GRIN2B: variants seen among roughly 807,000 people sequenced by gnomAD.
GRIN2B encodes glutamate ionotropic receptor NMDA type subunit 2B, also known as glutamate receptor ionotropic, NMDA 2B.
In GRIN2B, 5 loss-of-function variants were observed where a neutral mutation model predicts 114.5. That is an observed-to-expected ratio of 0.04 (90% CI 0.02 to 0.09). The LOEUF is 0.09. Ranked by LOEUF, GRIN2B falls within the 10% of genes least tolerant of loss-of-function variation. The pLI is 1.00. For missense variants in GRIN2B, 1,108 were observed against 1,943.5 expected (o/e 0.57, Z 8.08); for synonymous variants, 787 against 745.1 (o/e 1.06, Z -0.92).
chr12:13,972,114 G>T (rs180734028), intron 2 of GRIN2B, among the ~76,000 whole-genome samples: 1 of 152,322 alleles, frequency 6.6e-6, no homozygotes, highest in Non-Finnish European at 1.5e-5. Flanking sequence ...TTAGAATCCT[G>T]CAGGGAAGTT....
intron 10 of GRIN2B, among the ~76,000 whole-genome samples, chr12:13,588,702 G>A (rs550102566): frequency 6.6e-6 from 1 of 152,258 alleles, no homozygotes; most frequent in Non-Finnish European, 1.5e-5. Context: ...ATAATGCAGT[G>A]CTGCTTTTTT....
intron 3 of GRIN2B, 142 bp downstream of exon 3, chr12:13,865,656 G>A (rs1003258666): frequency 8.8e-6 from 7 of 791,222 alleles, no homozygotes; most frequent in Admixed American, 5.2e-5. Flanking sequence ...GAAAAAAAAA[G>A]GATTAATTGC....
At chr12:13,875,011 C>T (rs895494777) in intron 2 of GRIN2B, among the ~76,000 whole-genome samples, 4 of 152,082 alleles carry the variant, frequency 2.6e-5, no homozygotes, top group Admixed American at 1.3e-4. Flanking sequence ...GAGATCAACC[C>T]ATCACCTTGG....
At chr12:13,817,686 G>T (rs929112587) in intron 3 of GRIN2B, among the ~76,000 whole-genome samples, 4 of 152,142 alleles carry the variant, frequency 2.6e-5, no homozygotes, top group African/African-American at 9.7e-5. Context: ...AATGTCCCCA[G>T]AATAACCCAA....
At chr12:13,792,014 A>G (rs1864330422) in intron 3 of GRIN2B, among the ~76,000 whole-genome samples, 1 of 152,200 alleles carries the variant, frequency 6.6e-6, no homozygotes, top group South Asian at 2.1e-4. Context: ...TAGCTTCATG[A>G]AATCCACTTT....
chr12:13,604,938 C>G (rs1949216318), intron 10 of GRIN2B, among the ~76,000 whole-genome samples: 1 of 151,282 alleles, frequency 6.6e-6, no homozygotes, highest in Non-Finnish European at 1.5e-5. Flanking sequence ...TATCAGAAAA[C>G]CATTTACAAA....
chr12:13,573,143 T>A (rs1948727547), intron 10 of GRIN2B, among the ~76,000 whole-genome samples: 1 of 149,394 alleles, frequency 6.7e-6, no homozygotes, highest in Admixed American at 6.6e-5. Flanking sequence ...GAGGATTAAC[T>A]AATATAATGC....
intron 4 of GRIN2B, among the ~76,000 whole-genome samples, chr12:13,721,431 G>C (rs1862878399): frequency 6.6e-6 from 1 of 152,024 alleles, no homozygotes; most frequent in Admixed American, 6.6e-5. Flanking sequence ...AAGGATTAGG[G>C]TGATTGGCAG....
chr12:13,724,791 T>G (rs1862949937), intron 4 of GRIN2B, among the ~76,000 whole-genome samples: 1 of 152,044 alleles, frequency 6.6e-6, no homozygotes, highest in Admixed American at 6.6e-5. Context: ...TAAGATTGTT[T>G]CCCATATAAA....
intron 3 of GRIN2B, among the ~76,000 whole-genome samples, chr12:13,806,895 A>G (rs1162463934): frequency 2.0e-5 from 3 of 152,016 alleles, no homozygotes; most frequent in Admixed American, 2.0e-4. Context: ...TTTGATTTTT[A>G]TATATGAGAT....
Position 13,555,050 on chromosome 12 carries a change from A to G in GRIN2B, c.*7733T>C, listed in dbSNP as rs1292444356. The stretch of plus-strand genomic sequence containing the variant: ...GGGATTCATCTTCATTCAAAGAGTT[A>G]TTGAAATCATAGAAGACAGAAAGAT... On this transcript the variant is annotated 3_prime_UTR_variant, in exon 14 of 14. Coordinates refer to ENST00000609686, the MANE Select transcript of GRIN2B (RefSeq NM_000834.5). 1.3e-5 allele frequency: 2 copies of G among 152,138 alleles called. No individual in the cohort carries two copies. The highest frequency in any genetic ancestry group is 2.9e-5 in the Non-Finnish European group (2 of 68,022). The allele number at this position is 152,138 out of a possible 1,614,324, so 9.4% of individuals were successfully genotyped here.
intron 2 of GRIN2B, among the ~76,000 whole-genome samples, chr12:13,898,099 T>C (rs1387917877): frequency 2.6e-5 from 4 of 151,470 alleles, no homozygotes. Flanking sequence ...AAAAGAGAGG[T>C]GGAAAAGAAA....
At chr12:13,572,002 T>C (rs1485846300) in intron 10 of GRIN2B, 38 bp from the exon 11 acceptor site, 2 of 1,513,478 alleles carry the variant, frequency 1.3e-6, no homozygotes, top group East Asian at 2.3e-5. Context: ...GAGCGGGAGA[T>C]GGAGGGAGAG....
At chr12:13,593,056 T>G (rs1949028744) in intron 10 of GRIN2B, among the ~76,000 whole-genome samples, 1 of 152,146 alleles carries the variant, frequency 6.6e-6, no homozygotes, top group Non-Finnish European at 1.5e-5. Context: ...GAACCACTAA[T>G]TTTTCAGATG....
chr12:13,648,117 T>C (rs117623494), intron 5 of GRIN2B, among the ~76,000 whole-genome samples: 1,777 of 152,186 alleles, frequency 0.012, 15 homozygotes, highest in Non-Finnish European at 0.017. Flanking sequence ...ATAAACTAGG[T>C]GTATCAAAAT....
chr12:13,622,078 G>A (rs1261065863), intron 5 of GRIN2B, among the ~76,000 whole-genome samples: 2 of 152,186 alleles, frequency 1.3e-5, no homozygotes. Flanking sequence ...ATTAGCAAAG[G>A]ACATCGGTCT....
At chr12:13,853,728 C>G (rs1430946573) in intron 3 of GRIN2B, among the ~76,000 whole-genome samples, 2 of 152,154 alleles carry the variant, frequency 1.3e-5, no homozygotes, top group Admixed American at 6.5e-5. Flanking sequence ...GAGCTAGCAG[C>G]CCAGAGAGAC....
intron 3 of GRIN2B, among the ~76,000 whole-genome samples, chr12:13,766,974 T>C (rs566011437): frequency 1.1e-4 from 17 of 152,278 alleles, no homozygotes; most frequent in Admixed American, 9.8e-4. Context: ...AGCCTAATGT[T>C]GGCCGGGCAC....
intron 2 of GRIN2B, among the ~76,000 whole-genome samples, chr12:13,893,989 C>T (rs1866311200): frequency 6.6e-6 from 1 of 152,002 alleles, no homozygotes; most frequent in Non-Finnish European, 1.5e-5. Context: ...CGATATTACT[C>T]ATAATTACAG....
Sources: allele counts gnomAD v4.1 joint callset (sites outside exome capture counted in the v4.1 genomes callset), GRCh38; gene constraint gnomAD v4.1.1; transcripts MANE v1.5; gene names NCBI Gene and HGNC (gene_info 2026-07-23, HGNC 2026-07-21).